Variants in CCDC170 observed in about 807,000 individuals in gnomAD.
CCDC170 encodes coiled-coil domain containing 170.
In CCDC170, 69 loss-of-function variants were observed where a neutral mutation model predicts 72.6. The ratio of observed to expected loss-of-function variants is 0.95; its 90% CI spans 0.78 to 1.16. CCDC170 has a LOEUF of 1.16. Ranked by LOEUF, CCDC170 falls within the 50% of genes most tolerant of loss-of-function variation. The pLI is 0.00. For synonymous variants in CCDC170, 300 were observed against 303.9 expected (o/e 0.99, Z 0.13); for missense variants, 852 against 832.5 (o/e 1.02, Z -0.29).
chr6:151,521,617 G>C (rs1165774590), intron 1 of CCDC170, among the ~76,000 whole-genome samples: 1 of 152,144 alleles, frequency 6.6e-6, no homozygotes, highest in Non-Finnish European at 1.5e-5. Context: ...CAGGACTTAA[G>C]TGACCCAGGA....
At chr6:151,521,985 C>CAAAAAAAAAAAAAAAAA (rs34730093) in intron 1 of CCDC170, among the ~76,000 whole-genome samples, 2 of 78,294 alleles carry the variant, frequency 2.6e-5, no homozygotes, top group Non-Finnish European at 5.1e-5. Context: ...GACTCTGTCT[C>CAAAAAAAAAAAAAAAAA]AAAAAAAAAA....
intron 7 of CCDC170, among the ~76,000 whole-genome samples, chr6:151,589,457 G>C (rs539994914): frequency 5.7e-4 from 87 of 152,160 alleles, no homozygotes; most frequent in African/African-American, 2.0e-3. Context: ...CTTCAGTCAT[G>C]GTGGTAATCT....
chr6:151,502,592 G>A (rs1782007476), intron 1 of CCDC170, among the ~76,000 whole-genome samples: 3 of 152,146 alleles, frequency 2.0e-5, no homozygotes, highest in Admixed American at 2.0e-4. Context: ...TTCTACTTCA[G>A]ACTAAAAGAA....
chr6:151,553,421 A>G (rs1480082485), intron 5 of CCDC170, among the ~76,000 whole-genome samples: 1 of 152,170 alleles, frequency 6.6e-6, no homozygotes, highest in South Asian at 2.1e-4. Flanking sequence ...AAATGTCCTC[A>G]GTGAGTAATT....
intron 9 of CCDC170, among the ~76,000 whole-genome samples, chr6:151,604,250 G>T (rs978849029): frequency 6.6e-6 from 1 of 152,078 alleles, no homozygotes; most frequent in Non-Finnish European, 1.5e-5. Context: ...AACGAGTATA[G>T]CCTTTCTTAA....
intron 1 of CCDC170, among the ~76,000 whole-genome samples, chr6:151,504,929 A>G (rs564940872): frequency 9.2e-5 from 14 of 152,084 alleles, no homozygotes; most frequent in Admixed American, 2.0e-4. Context: ...TGCAGTAGGG[A>G]CTGAGTGGAG....
intron 4 of CCDC170, among the ~76,000 whole-genome samples, chr6:151,547,289 C>T (rs772611638): frequency 1.3e-5 from 2 of 152,108 alleles, no homozygotes; most frequent in East Asian, 1.9e-4. Flanking sequence ...TGTCTATGCT[C>T]GCCTAGAGAT....
chr6:151,524,942 T>C (rs967336772), intron 1 of CCDC170, among the ~76,000 whole-genome samples: 2 of 147,796 alleles, frequency 1.4e-5, no homozygotes, highest in Admixed American at 6.7e-5. Flanking sequence ...TTTTTTTTTT[T>C]TTTTTTTTGA....
intron 1 of CCDC170, 126 bp from the exon 2 acceptor site, chr6:151,536,192 G>C: frequency 9.1e-7 from 1 of 1,101,612 alleles, no homozygotes; most frequent in Non-Finnish European, 1.3e-6. Context: ...ACTTCTCTGC[G>C]TAGCATGTTT....
chr6:151,510,127 G>A (rs1475787233), intron 1 of CCDC170, among the ~76,000 whole-genome samples: 2 of 152,010 alleles, frequency 1.3e-5, no homozygotes, highest in African/African-American at 4.8e-5. Flanking sequence ...AAACAAACAA[G>A]CCCATAAAAC....
intron 1 of CCDC170, among the ~76,000 whole-genome samples, chr6:151,507,846 G>T (rs570620559): frequency 2.3e-3 from 350 of 151,874 alleles, no homozygotes; most frequent in Non-Finnish European, 4.1e-3. Context: ...GCTTGAACCA[G>T]GGAGTCGGAG....
intron 1 of CCDC170, among the ~76,000 whole-genome samples, chr6:151,506,644 T>A (rs1050189861): frequency 6.6e-6 from 1 of 152,230 alleles, no homozygotes; most frequent in African/African-American, 2.4e-5. Flanking sequence ...GGTATTAACC[T>A]TAAGACCACA....
intron 10 of CCDC170, among the ~76,000 whole-genome samples, chr6:151,616,679 A>G (rs978487408): frequency 1.3e-5 from 2 of 152,254 alleles, no homozygotes; most frequent in Non-Finnish European, 2.9e-5. Flanking sequence ...ACAAAGTACC[A>G]TCTACTGGGT....
At chr6:151,575,642 G>A (rs1157779511) in intron 6 of CCDC170, among the ~76,000 whole-genome samples, 8 of 136,464 alleles carry the variant, frequency 5.9e-5, no homozygotes, top group African/African-American at 2.2e-4. Flanking sequence ...CAATACTCCT[G>A]CCTCAGCCTA....
rs150442004 is a variant in CCDC170 at position 151,517,370 on chromosome 6, C to G, written c.58-18948C>G. 7.2e-3 allele frequency among the ~76,000 whole-genome samples: 1,088 copies of G among 151,654 alleles called. 10 individuals carry two copies. The highest frequency in any genetic ancestry group is 0.048 in the Middle Eastern group (14 of 290). On this transcript the variant is annotated intron_variant, in intron 1 of 10. Coordinates refer to ENST00000239374, the MANE Select transcript of CCDC170 (RefSeq NM_025059.4). ...ACAAAAGAAAATTATTTTGGGGCTG[C>G]TTTTCATTTAAAAGAAAACCTTACT... is the stretch of plus-strand genomic sequence containing the variant.
rs556331597 is a variant in CCDC170, at chr6:151,547,151, G to A, written c.589-1153G>A. ...CATAAACACGTGTGCACACGCATTCGCAAGGAACCATGCATTCCTAACAAT... is the reference window on the plus strand; with the variant it reads ...CATAAACACGTGTGCACACGCATTCACAAGGAACCATGCATTCCTAACAAT... On this transcript the variant is annotated intron_variant, in intron 4 of 10. Transcript: ENST00000239374. 2.6e-5 allele frequency among the ~76,000 whole-genome samples: 4 copies of A among 152,230 alleles called. No individual in the cohort carries two copies. The South Asian group carries it at 6.2e-4, about 24-fold the overall frequency.
chr6:151,579,404 A>C (rs1368882245), intron 6 of CCDC170, among the ~76,000 whole-genome samples: 1 of 152,222 alleles, frequency 6.6e-6, no homozygotes, highest in East Asian at 1.9e-4. Context: ...ACTGACACCT[A>C]AATAAGCTTC....
intron 2 of CCDC170, among the ~76,000 whole-genome samples, chr6:151,536,773 C>CAAAAAAAAAAAAAAAA (rs55663799): frequency 2.5e-5 from 2 of 79,260 alleles, no homozygotes; most frequent in African/African-American, 5.4e-5. Flanking sequence ...GACTCCATCT[C>CAAAAAAAAAAAAAAAA]AAAAAAAAAA....
chr6:151,522,383 T>G (rs1782333339), intron 1 of CCDC170, among the ~76,000 whole-genome samples: 1 of 152,182 alleles, frequency 6.6e-6, no homozygotes. Context: ...TTCTTTGACT[T>G]CTACTTTTAA....
Sources: allele counts gnomAD v4.1 joint callset (sites outside exome capture counted in the v4.1 genomes callset), GRCh38; gene constraint gnomAD v4.1.1; transcripts MANE v1.5; gene names NCBI Gene and HGNC (gene_info 2026-07-23, HGNC 2026-07-21).